Variants in INO80 observed in about 807,000 individuals in gnomAD.
INO80 encodes INO80 complex ATPase subunit.
INO80 carries 20 observed loss-of-function variants against 203.4 expected under a neutral mutation model. The ratio of observed to expected loss-of-function variants is 0.10; its 90% CI spans 0.07 to 0.14. The LOEUF (loss-of-function observed/expected upper bound fraction) is 0.14, where lower values mean the gene tolerates loss of function less well. Ranked by LOEUF, INO80 falls within the 10% of genes least tolerant of loss-of-function variation. The pLI, the probability that INO80 is intolerant of heterozygous loss-of-function variation, is 1.00. For missense variants in INO80, 1,419 were observed against 1,914.4 expected (o/e 0.74, Z 4.83); for synonymous variants, 726 against 685.2 (o/e 1.06, Z -0.93).
In INO80 at chr15:40,987,294, A is replaced by G. The variant is rs1380553037; in HGVS notation, c.3730-101T>C. ...TCGTTCTCAACCCACTCCTCAGGGG[A>G]GGCCTCTGGTTTCCTATTTCTTCTT... is the stretch of plus-strand genomic sequence containing the variant. On this transcript the variant is annotated intron_variant, in intron 30 of 35. Transcript: ENST00000648947. 4 of 658,210 alleles carry G rather than the reference A, an allele frequency of 6.1e-6. No homozygotes were observed. In the Admixed American group the frequency reaches 1.0e-4, roughly 17 times the overall value. The allele number at this position is 658,210 out of a possible 1,614,324, so 40.8% of individuals were successfully genotyped here.
chr15:40,984,047 T>A (rs1893932613), intron 33 of INO80, 126 bp from the exon 34 acceptor site: 3 of 1,359,934 alleles, frequency 2.2e-6, no homozygotes, highest in Non-Finnish European at 3.1e-6. Context: ...CTGTCCTCAT[T>A]TGTTTTTCTC....
intron 1 of INO80, 47 bp from the exon 2 acceptor site, chr15:41,096,400 TC>T (rs1402485202): frequency 9.0e-6 from 12 of 1,329,458 alleles, no homozygotes; most frequent in Non-Finnish European, 1.2e-5. Flanking sequence ...CTATCCATTC[TC>T]CCTTTCTCTT....
intron 27 of INO80, among the ~76,000 whole-genome samples, chr15:41,007,745 T>C (rs1347027426): frequency 2.2e-5 from 3 of 134,610 alleles, no homozygotes; most frequent in African/African-American, 5.5e-5. Context: ...AAATTTAGAG[T>C]CTATTTCAGT....
intron 29 of INO80, among the ~76,000 whole-genome samples, chr15:40,996,293 T>C (rs1409578990): frequency 6.6e-6 from 1 of 152,218 alleles, no homozygotes; most frequent in African/African-American, 2.4e-5. Context: ...TAAATATATT[T>C]GAATCTTAGC....
chr15:41,089,518 G>A (rs1481193015), intron 5 of INO80, among the ~76,000 whole-genome samples: 12 of 152,104 alleles, frequency 7.9e-5, no homozygotes, highest in Admixed American at 5.9e-4. Context: ...TTGGGAGGCC[G>A]AGGCGGGTGG....
intron 1 of INO80, among the ~76,000 whole-genome samples, chr15:41,100,606 C>T (rs191780201): frequency 2.0e-5 from 3 of 152,226 alleles, no homozygotes; most frequent in Admixed American, 2.0e-4. Context: ...TCCCTTATGT[C>T]CACAATACCA....
intron 27 of INO80, among the ~76,000 whole-genome samples, chr15:41,013,810 G>C (rs1425296507): frequency 6.6e-6 from 1 of 152,196 alleles, no homozygotes; most frequent in East Asian, 1.9e-4. Flanking sequence ...CAAGATGCAT[G>C]TTATACATAT....
chr15:41,114,860 C>T (rs1295736613), intron 1 of INO80, among the ~76,000 whole-genome samples: 1 of 151,926 alleles, frequency 6.6e-6, no homozygotes, highest in Non-Finnish European at 1.5e-5. Flanking sequence ...TTAATAGTTA[C>T]CTAAGACTGG....
intron 27 of INO80, among the ~76,000 whole-genome samples, chr15:41,012,548 GCGAGACT>G (rs1233803545): frequency 3.7e-5 from 1 of 27,134 alleles, no homozygotes. Flanking sequence ...GGGTGACAGA[GCGAGACT>G]CTTTTTAAAA....
chr15:41,067,912 C>T (rs1420595520), intron 14 of INO80, among the ~76,000 whole-genome samples: 1 of 152,140 alleles, frequency 6.6e-6, no homozygotes, highest in Non-Finnish European at 1.5e-5. Context: ...AACAATAAAT[C>T]CTATTCATTC....
chr15:41,068,925 T>A (rs746164054), intron 14 of INO80, among the ~76,000 whole-genome samples: 2 of 152,066 alleles, frequency 1.3e-5, no homozygotes, highest in Non-Finnish European at 2.9e-5. Flanking sequence ...TAGATTTAAA[T>A]GAAAAGAGAA....
At chr15:41,052,077 T>C (rs909979644) in intron 19 of INO80, among the ~76,000 whole-genome samples, 4 of 152,064 alleles carry the variant, frequency 2.6e-5, no homozygotes, top group Non-Finnish European at 1.5e-5. Flanking sequence ...AGTATGAGGC[T>C]GCAGTTAGCC....
At chr15:41,023,415 A>AC (rs1314916188) in intron 25 of INO80, 1 of 451,410 alleles carries the variant, frequency 2.2e-6, no homozygotes, top group East Asian at 7.0e-5. Flanking sequence ...TAGAAATATG[A>AC]CCAGTTCTAT....
In INO80 at chr15:40,981,683, C is replaced by A. The variant is rs539918688; in HGVS notation, c.4453+1179G>T. Among the ~76,000 whole-genome samples, 20 of 152,348 alleles carry A rather than the reference C, an allele frequency of 1.3e-4. No individual in the cohort carries two copies. In the South Asian group the frequency reaches 3.5e-3, roughly 27 times the overall value. The stretch of plus-strand genomic sequence containing the variant: ...AAGAAAGGTCTGTAAGTGGCTCTCT[C>A]TTTCTCACCACACTCAAATGTCCTG... On this transcript the variant is annotated intron_variant, in intron 35 of 35. Coordinates refer to ENST00000648947, the MANE Select transcript of INO80 (RefSeq NM_017553.3).
chr15:41,090,248 T>C (rs141511758), intron 5 of INO80, among the ~76,000 whole-genome samples: 1 of 152,196 alleles, frequency 6.6e-6, no homozygotes, highest in Non-Finnish European at 1.5e-5. Context: ...ATTGCATTTG[T>C]ATGAAATGTC....
intron 24 of INO80, among the ~76,000 whole-genome samples, chr15:41,035,491 G>A (rs1043742538): frequency 1.0e-4 from 15 of 150,752 alleles, no homozygotes; most frequent in African/African-American, 2.7e-4. Flanking sequence ...ATACCACTAC[G>A]CTCTTGCCTG....
Position 40,983,885 on chromosome 15 carries a change from G to C in INO80, c.4114C>G (p.Pro1372Ala). 1 of 1,613,644 alleles carries C rather than the reference G, an allele frequency of 6.2e-7. No individual in the cohort carries two copies. Among genetic ancestry groups the C allele is most frequent in the Non-Finnish European group, 8.5e-7 (1 of 1,179,998 alleles). ...ATGTCACTGCTGCTCTCGTCCAGGG[G>C]AATGGAGCCAGTGTGCAGCTCACTG... ...ISSELHTGSIPLDESSSDMLV... is the reference protein window; with the variant it reads ...ISSELHTGSIALDESSSDMLV... The change falls in exon 34 of 36, where the codon CCC becomes GCC. Residue 1372 changes from proline to alanine, a missense_variant. Physicochemically the swap from Pro to Ala is conservative, Grantham distance 27. Transcript: ENST00000648947.
At chr15:41,007,182 C>CTTTTT (rs11330780) in intron 27 of INO80, among the ~76,000 whole-genome samples, 3 of 119,312 alleles carry the variant, frequency 2.5e-5, no homozygotes, top group Non-Finnish European at 5.1e-5. Context: ...TTTTTTTTTT[C>CTTTTT]TTTTTTTTTT....
At chr15:40,995,918 A>C (rs892947652) in intron 29 of INO80, among the ~76,000 whole-genome samples, 1 of 152,238 alleles carries the variant, frequency 6.6e-6, no homozygotes, top group African/African-American at 2.4e-5. Flanking sequence ...GCTACCCAGC[A>C]ATGCCTCCAG....
Sources: gnomAD v4.1 joint callset for allele counts (sites outside exome capture counted in the v4.1 genomes callset) on GRCh38, gnomAD v4.1.1 for gene constraint, MANE v1.5 for transcripts, NCBI Gene and HGNC (gene_info 2026-07-23, HGNC 2026-07-21) for gene names.